The following MAMDC2 variants were observed in gnomAD, a reference collection of about 807,000 sequenced individuals.
The protein encoded by MAMDC2 is MAM domain-containing protein 2.
Under a neutral mutation model 89.8 loss-of-function variants are expected in MAMDC2, and 57 were observed. That is an observed-to-expected ratio of 0.63 (90% confidence interval 0.51 to 0.79). The LOEUF (loss-of-function observed/expected upper bound fraction) is 0.79. Ranked by LOEUF, MAMDC2 falls within the 30% of genes least tolerant of loss-of-function variation. MAMDC2 has a pLI of 0.00. For missense variants in MAMDC2, 800 were observed against 820.6 expected (o/e 0.97, Z 0.31); for synonymous variants, 313 against 293.4 (o/e 1.07, Z -0.68).
intron 2 of MAMDC2, among the ~76,000 whole-genome samples, chr9:70,051,888 G>GAGATAGAT (rs71364576): frequency 0.098 from 14,525 of 148,754 alleles, 741 homozygotes; most frequent in Middle Eastern, 0.13. Context: ...TAGATAGATA[G>GAGATAGAT]AGATAGATAG....
At chr9:70,112,849 A>G in intron 4 of MAMDC2, 146 bp from the exon 5 acceptor site, 1 of 941,042 alleles carries the variant, frequency 1.1e-6, no homozygotes, top group Non-Finnish European at 1.6e-6. Context: ...TTCTTGGCCA[A>G]AATTGTGCAG....
intron 6 of MAMDC2, among the ~76,000 whole-genome samples, chr9:70,127,281 A>G (rs541114854): frequency 6.6e-6 from 1 of 152,314 alleles, no homozygotes; most frequent in East Asian, 1.9e-4. Flanking sequence ...GGTGAATGCC[A>G]GAGAACTCCG....
At chr9:70,100,371 A>G (rs1828154002) in intron 2 of MAMDC2, among the ~76,000 whole-genome samples, 1 of 152,186 alleles carries the variant, frequency 6.6e-6, no homozygotes, top group African/African-American at 2.4e-5. Context: ...CCACTCTACC[A>G]TACTGTGTCC....
intron 2 of MAMDC2, among the ~76,000 whole-genome samples, chr9:70,093,567 A>G (rs1355306587): frequency 4.0e-5 from 6 of 151,608 alleles, no homozygotes; most frequent in Non-Finnish European, 5.9e-5. Context: ...CTGGGATTAC[A>G]GGCACCAACC....
chr9:70,080,169 A>G (rs1481246129), intron 2 of MAMDC2, among the ~76,000 whole-genome samples: 1 of 152,226 alleles, frequency 6.6e-6, no homozygotes, highest in Non-Finnish European at 1.5e-5. Context: ...ACTAATTAAT[A>G]GATTAATAGT....
chr9:70,218,337 G>A lies in MAMDC2; in HGVS notation c.1652G>A (p.Gly551Asp), dbSNP rs1234699871. Residue 551 changes from glycine (G) to aspartate (D), a missense_variant and splice_region_variant, in exon 12 of 14, where the codon GGC becomes GAC. Coordinates refer to ENST00000377182, the MANE Select transcript of MAMDC2 (RefSeq NM_153267.5). ...GPKGDHTTGVGYYMYIEASHM... is the reference protein window; with the variant it reads ...GPKGDHTTGVDYYMYIEASHM... ...TACCTGCTTTTGCATTCACCTCAAG[G>A]CTACTACATGTACATTGAGGCCTCC... The A allele has an allele frequency of 2.3e-5, 37 of 1,609,336 alleles. No homozygotes were observed. Among genetic ancestry groups the A allele is most frequent in the African/African-American group, 1.1e-4 (8 of 74,790 alleles).
At chr9:70,051,316 G>T (rs756425457) in intron 2 of MAMDC2, among the ~76,000 whole-genome samples, 5 of 152,172 alleles carry the variant, frequency 3.3e-5, no homozygotes, top group Non-Finnish European at 7.3e-5. Flanking sequence ...ATGGGAAGTG[G>T]CTACCCAAAT....
At chr9:70,060,182 C>T (rs544196265) in intron 2 of MAMDC2, among the ~76,000 whole-genome samples, 2 of 152,192 alleles carry the variant, frequency 1.3e-5, no homozygotes, top group Non-Finnish European at 2.9e-5. Context: ...CCCTGTTAAA[C>T]TCGAAGCAAA....
In MAMDC2 at chr9:70,226,343, A is replaced by C. The variant is rs767271618; in HGVS notation, c.*311A>C. The stretch of plus-strand genomic sequence containing the variant: ...TTAAAGTACACAAAGGGCACAATCA[A>C]AATGAGATGCACTCATTTAAATCTG... On this transcript the variant is annotated 3_prime_UTR_variant, in exon 14 of 14. Transcript: ENST00000377182. The C allele has an allele frequency of 5.8e-6, 1 of 171,696 alleles. No homozygotes were observed. The highest frequency in any genetic ancestry group is 6.3e-5 in the Admixed American group (1 of 15,936). The allele number at this position is 171,696 out of a possible 1,614,324, so 10.6% of individuals were successfully genotyped here.
chr9:70,118,818 A>T (rs2030149972), intron 5 of MAMDC2, among the ~76,000 whole-genome samples: 1 of 152,232 alleles, frequency 6.6e-6, no homozygotes, highest in South Asian at 2.1e-4. Context: ...GGAGAGTGCT[A>T]GTCTTTGTGT....
At chr9:70,213,293 G>A (rs1446994511) in intron 11 of MAMDC2, among the ~76,000 whole-genome samples, 4 of 152,170 alleles carry the variant, frequency 2.6e-5, no homozygotes, top group Non-Finnish European at 5.9e-5. Context: ...ATCTTTCAGT[G>A]GAGCTTTTTC....
chr9:70,184,470 G>GT (rs1388434086), intron 11 of MAMDC2, among the ~76,000 whole-genome samples: 1 of 152,134 alleles, frequency 6.6e-6, no homozygotes, highest in Non-Finnish European at 1.5e-5. Context: ...ATACCATGAA[G>GT]TATGTTTTCC....
rs147433961 is a variant in MAMDC2 at position 70,069,070 on chromosome 9, G to A, written c.148+24373G>A. ...CTATTGCTTGGAAGGGGCAGAACCCGGTAGAAGGATTGTGTGTGCACAAGA... is the reference window on the plus strand; with the variant it reads ...CTATTGCTTGGAAGGGGCAGAACCCAGTAGAAGGATTGTGTGTGCACAAGA... On this transcript the variant is annotated intron_variant, in intron 2 of 13. Coordinates refer to ENST00000377182, the MANE Select transcript of MAMDC2 (RefSeq NM_153267.5). Among the ~76,000 whole-genome samples the A allele has an allele frequency of 8.5e-4, 130 of 152,282 alleles. 1 individual carries two copies. Among genetic ancestry groups the A allele is most frequent in the African/African-American group, 3.0e-3 (125 of 41,556 alleles).
intron 5 of MAMDC2, among the ~76,000 whole-genome samples, chr9:70,114,101 A>C (rs1321899648): frequency 3.3e-5 from 5 of 150,768 alleles, no homozygotes; most frequent in African/African-American, 1.2e-4. Context: ...TCTTTTTTTC[A>C]AAAGTGCTCA....
intron 5 of MAMDC2, among the ~76,000 whole-genome samples, chr9:70,125,488 C>A (rs551225632): frequency 6.6e-6 from 1 of 152,298 alleles, no homozygotes; most frequent in African/African-American, 2.4e-5. Context: ...TGTGTTTCAC[C>A]AAGATGCCCC....
chr9:70,062,898 G>T (rs753975365), intron 2 of MAMDC2: 6 of 152,222 alleles, frequency 3.9e-5, no homozygotes, highest in Non-Finnish European at 8.8e-5. Flanking sequence ...AGCATCTTCA[G>T]ATGCCAGGTG....
At chr9:70,079,860 T>C (rs1248192608) in intron 2 of MAMDC2, among the ~76,000 whole-genome samples, 3 of 152,094 alleles carry the variant, frequency 2.0e-5, no homozygotes, top group Admixed American at 2.0e-4. Flanking sequence ...ACACCTGCCC[T>C]TTATCTGGCT....
chr9:70,214,729 G>T (rs1033124423), intron 11 of MAMDC2, among the ~76,000 whole-genome samples: 1 of 152,196 alleles, frequency 6.6e-6, no homozygotes, highest in Non-Finnish European at 1.5e-5. Context: ...AGTGGAGGCG[G>T]TAAGAAGAGA....
chr9:70,160,913 CTG>C (rs1345611912), intron 9 of MAMDC2, among the ~76,000 whole-genome samples: 1 of 152,162 alleles, frequency 6.6e-6, no homozygotes, highest in Non-Finnish European at 1.5e-5. Flanking sequence ...ATGCTATTAA[CTG>C]GGGAGTTGCA....
Sources: allele counts gnomAD v4.1 joint callset (sites outside exome capture counted in the v4.1 genomes callset), GRCh38; gene constraint gnomAD v4.1.1; transcripts MANE v1.5; gene names NCBI Gene and HGNC (gene_info 2026-07-23, HGNC 2026-07-21).